Variants in CEP76 observed in about 807,000 individuals in gnomAD.
The protein encoded by CEP76 is centrosomal protein of 76 kDa.
CEP76 carries 55 observed loss-of-function variants against 83.3 expected under a neutral mutation model. The observed-to-expected ratio is 0.66, with a 90% CI of 0.53 to 0.83. The LOEUF is 0.83. Among genes scored for constraint, CEP76 ranks in the 40% least tolerant of loss-of-function variants. The probability of loss-of-function intolerance (pLI) is 0.00; values close to 1 mark genes in which losing one functional copy is unlikely to be tolerated. For synonymous variants in CEP76, 270 were observed against 274.5 expected, an observed-to-expected ratio of 0.98 and a Z score of 0.16; for missense variants, 694 against 799.5, an observed-to-expected ratio of 0.87 and a Z score of 1.59.
Position 12,693,511 on chromosome 18 carries a change from A to G in CEP76, c.804+1743T>C, listed in dbSNP as rs1299274986. On this transcript the variant is annotated intron_variant, in intron 6 of 11. Transcript: ENST00000262127. ...CTTTATATGTCACATAAATATATGAATAACATGATTAAAACTCATGTATAC... is the reference window on the plus strand; with the variant it reads ...CTTTATATGTCACATAAATATATGAGTAACATGATTAAAACTCATGTATAC... Among the ~76,000 whole-genome samples, 5 of 152,348 alleles carry G rather than the reference A, an allele frequency of 3.3e-5. No homozygotes were observed. The East Asian group carries it at 9.6e-4, about 29-fold the overall frequency.
chr18:12,691,382 G>T lies in CEP76; in HGVS notation c.910C>A (p.Arg304=), dbSNP rs776748119. ...YLQIRPSHNS[R]LVKIFAQDEN... The stretch of plus-strand genomic sequence containing the variant: ...ACCTGTGCAAAAATCTTAACCAGTC[G>T]TGAGTTGTGTGAGGGTCGAATTTGC... The change falls in exon 7 of 12, where the codon CGA becomes AGA. Residue 304 remains arginine (R), a synonymous_variant. Transcript: ENST00000262127. 1.3e-6 allele frequency: 2 copies of T among 1,598,212 alleles called. No individual in the cohort carries two copies. The highest frequency in any genetic ancestry group is 3.3e-4 in the Middle Eastern group (2 of 6,020).
At chr18:12,669,189 G>A (rs1296818767), downstream of CEP76, among the ~76,000 whole-genome samples, 2 of 150,308 alleles carry the variant, frequency 1.3e-5, no homozygotes, top group South Asian at 4.2e-4. Flanking sequence ...CTCAGCTCAC[G>A]GCAACCTCCA....
At chr18:12,700,910 T>C (rs2040127921) in intron 2 of CEP76, 48 bp downstream of exon 2, 1 of 1,432,858 alleles carries the variant, frequency 7.0e-7, no homozygotes, top group Non-Finnish European at 9.6e-7. Context: ...TGTTACGCAT[T>C]AGTATATACA....
At chr18:12,695,217 C>A (rs374085780) in intron 6 of CEP76, 37 bp downstream of exon 6, 1 of 941,502 alleles carries the variant, frequency 1.1e-6, no homozygotes, top group Non-Finnish European at 1.6e-6. Context: ...ACTATGAAAA[C>A]AAACACACAA....
intron 12 of CEP76, among the ~76,000 whole-genome samples, chr18:12,664,266 G>A (rs577940209): frequency 5.9e-5 from 9 of 152,148 alleles, no homozygotes; most frequent in East Asian, 1.9e-4. Flanking sequence ...TTTGTAGGCC[G>A]GGCATGGTGG....
At chr18:12,666,844 T>C (rs2038814636) in intron 12 of CEP76, among the ~76,000 whole-genome samples, 1 of 152,188 alleles carries the variant, frequency 6.6e-6, no homozygotes, top group Non-Finnish European at 1.5e-5. Context: ...CAATCAGGTT[T>C]ATCAAAACTG....
At chr18:12,674,408 C>T (rs2039046350) in intron 11 of CEP76, 128 bp downstream of exon 11, 5 of 669,384 alleles carry the variant, frequency 7.5e-6, no homozygotes, top group Non-Finnish European at 1.2e-5. Flanking sequence ...TGCCACTGTA[C>T]TCCAGCATGG....
intron 7 of CEP76, among the ~76,000 whole-genome samples, chr18:12,688,408 G>A (rs146957447): frequency 1.3e-4 from 20 of 152,108 alleles, no homozygotes; most frequent in African/African-American, 4.6e-4. Context: ...TAATGGCCAC[G>A]GCAAATCTAC....
At chr18:12,689,123 A>C (rs891206323) in intron 7 of CEP76, among the ~76,000 whole-genome samples, 6 of 152,090 alleles carry the variant, frequency 3.9e-5, no homozygotes, top group East Asian at 1.9e-4. Context: ...ACAACAACAA[A>C]AAAAAGTTCT....
intron 10 of CEP76, among the ~76,000 whole-genome samples, chr18:12,677,430 C>G (rs1018431380): frequency 2.2e-5 from 3 of 134,524 alleles, no homozygotes; most frequent in Non-Finnish European, 4.6e-5. Flanking sequence ...GCGCTCCAGC[C>G]TGGGTGACAG....
intron 5 of CEP76, among the ~76,000 whole-genome samples, chr18:12,696,897 ATG>A (rs2039976475): frequency 6.6e-6 from 1 of 152,182 alleles, no homozygotes; most frequent in Non-Finnish European, 1.5e-5. Context: ...ATAAGTTTGT[ATG>A]TGTGTCAAGA....
chr18:12,693,714 C>G (rs2039849167), intron 6 of CEP76, among the ~76,000 whole-genome samples: 2 of 152,134 alleles, frequency 1.3e-5, no homozygotes, highest in African/African-American at 4.8e-5. Flanking sequence ...ACTCGGCAGG[C>G]AGACGTTGCA....
At chr18:12,672,609 C>T (rs1185153679), downstream of CEP76, 1 of 967,374 alleles carries the variant, frequency 1.0e-6, no homozygotes, top group Non-Finnish European at 1.2e-6. Context: ...ATAATGAATC[C>T]TCTGACCACA....
chr18:12,677,543 T>C (rs556679748), intron 10 of CEP76, among the ~76,000 whole-genome samples: 2 of 151,064 alleles, frequency 1.3e-5, no homozygotes, highest in East Asian at 1.9e-4. Context: ...GTCTACCCAG[T>C]TGAGTACAAC....
chr18:12,672,034 G>C (rs1374302866), downstream of CEP76, among the ~76,000 whole-genome samples: 1 of 151,598 alleles, frequency 6.6e-6, no homozygotes, highest in Non-Finnish European at 1.5e-5. Flanking sequence ...TGGCCAGGCT[G>C]GTCTTGAACC....
At chr18:12,677,005 A>C (rs997832369) in intron 10 of CEP76, among the ~76,000 whole-genome samples, 1 of 152,206 alleles carries the variant, frequency 6.6e-6, no homozygotes, top group Non-Finnish European at 1.5e-5. Context: ...TATGTGTTAC[A>C]AACAACTTTT....
chr18:12,674,012 C>T (rs1231346160), intron 11 of CEP76, among the ~76,000 whole-genome samples: 2 of 152,150 alleles, frequency 1.3e-5, no homozygotes, highest in African/African-American at 2.4e-5. Flanking sequence ...CCTGAGACTG[C>T]ACCAAAATCA....
Position 12,674,737 on chromosome 18 carries a change from G to T in CEP76, c.1640C>A (p.Thr547Asn). The part of the protein sequence containing the change: ...SEHRKDLGLT[T>N]VWEDQLSYLL... Reference sequence around the variant, plus strand: ...GTAGGAGAGCTGGTCTTCCCAAACAGTAGTGAGGCCAAGATCCTATGAGCA... The same window carrying T: ...GTAGGAGAGCTGGTCTTCCCAAACATTAGTGAGGCCAAGATCCTATGAGCA... Residue 547 changes from threonine to asparagine, a missense_variant, in exon 11 of 12, where the codon ACT becomes AAT. Thr to Asn is a moderately conservative substitution (Grantham distance 65). Transcript: ENST00000262127. The T allele has an allele frequency of 2.5e-6, 4 of 1,613,450 alleles. No homozygotes were observed. The highest frequency in any genetic ancestry group is 3.4e-6 in the Non-Finnish European group (4 of 1,179,588).
chr18:12,700,883 C>T, intron 2 of CEP76, 75 bp downstream of exon 2: 4 of 1,249,380 alleles, frequency 3.2e-6, no homozygotes, highest in Non-Finnish European at 4.5e-6. Flanking sequence ...GGCCCCACAT[C>T]GGAACCTTAT....
Sources: gnomAD v4.1 joint callset for allele counts (sites outside exome capture counted in the v4.1 genomes callset) on GRCh38, gnomAD v4.1.1 for gene constraint, MANE v1.5 for transcripts, NCBI Gene and HGNC (gene_info 2026-07-23, HGNC 2026-07-21) for gene names.